RAVER2: variants seen among roughly 807,000 people sequenced by gnomAD.
The protein encoded by RAVER2 is ribonucleoprotein PTB-binding 2.
A neutral mutation model predicts 78.1 loss-of-function variants in RAVER2; 46 were observed. The observed-to-expected ratio is 0.59, with a 90% CI of 0.46 to 0.75. RAVER2 has a LOEUF of 0.75. Ranked by LOEUF, RAVER2 falls within the 30% of genes least tolerant of loss-of-function variation. The probability of loss-of-function intolerance (pLI) is 0.00; values close to 1 mark genes in which losing one functional copy is unlikely to be tolerated. For synonymous variants in RAVER2, 311 were observed against 313.3 expected, an observed-to-expected ratio of 0.99 and a Z score of 0.08; for missense variants, 793 against 837.5, an observed-to-expected ratio of 0.95 and a Z score of 0.66.
chr1:64,823,759 G>A (rs1313826047), intron 11 of RAVER2, among the ~76,000 whole-genome samples: 1 of 150,232 alleles, frequency 6.7e-6, no homozygotes, highest in Non-Finnish European at 1.5e-5. Flanking sequence ...AAAGAAAAAT[G>A]TAAGAGGTTT....
intron 6 of RAVER2, among the ~76,000 whole-genome samples, chr1:64,803,421 AT>A (rs1164186709): frequency 7.9e-5 from 12 of 152,160 alleles, no homozygotes; most frequent in African/African-American, 2.9e-4. Flanking sequence ...CAGTAACTTA[AT>A]TTTTAAAATT....
exon 4 of RAVER2, chr1:64,781,549 C>T: frequency 6.2e-7 from 1 of 1,613,078 alleles, no homozygotes; most frequent in Non-Finnish European, 8.5e-7. Flanking sequence ...ACATTAGCAG[C>T]ATTGATAGCG....
At chr1:64,806,375 C>A (rs1653419168) in intron 8 of RAVER2, among the ~76,000 whole-genome samples, 1 of 152,136 alleles carries the variant, frequency 6.6e-6, no homozygotes, top group East Asian at 1.9e-4. Flanking sequence ...TGTGCCACTG[C>A]ACTCCAGCCT....
intron 11 of RAVER2, among the ~76,000 whole-genome samples, chr1:64,823,064 T>G (rs150785186): frequency 2.5e-4 from 38 of 152,222 alleles, no homozygotes; most frequent in African/African-American, 4.8e-4. Flanking sequence ...AGGATTTTTT[T>G]GGGGAGGGGA....
At chr1:64,821,751 A>G (rs994210050) in intron 11 of RAVER2, among the ~76,000 whole-genome samples, 2 of 152,218 alleles carry the variant, frequency 1.3e-5, no homozygotes, top group Non-Finnish European at 2.9e-5. Context: ...TCCTTACACC[A>G]TATACAAAAA....
intron 11 of RAVER2, chr1:64,816,379 C>CAGAA (rs1432497290): frequency 6.6e-6 from 1 of 152,208 alleles, no homozygotes; most frequent in Non-Finnish European, 1.5e-5. Context: ...ACAGTCCCTG[C>CAGAA]TTCTAGCGCA....
chr1:64,757,760 T>A (rs537209306), intron 1 of RAVER2, among the ~76,000 whole-genome samples: 1 of 152,266 alleles, frequency 6.6e-6, no homozygotes, highest in South Asian at 2.1e-4. Flanking sequence ...AGCTAGAGAA[T>A]ATATAAATGT....
At chr1:64,783,238 A>G (rs1234318014) in intron 4 of RAVER2, among the ~76,000 whole-genome samples, 1 of 152,174 alleles carries the variant, frequency 6.6e-6, no homozygotes, top group East Asian at 1.9e-4. Flanking sequence ...TCCTTTGGGT[A>G]TATATCCAGT....
chr1:64,760,850 G>A (rs1046542123), intron 1 of RAVER2, among the ~76,000 whole-genome samples: 1 of 152,132 alleles, frequency 6.6e-6, no homozygotes, highest in Non-Finnish European at 1.5e-5. Flanking sequence ...AATGTGATGG[G>A]AATGAATATT....
At chr1:64,753,872 A>G (rs982978182) in intron 1 of RAVER2, among the ~76,000 whole-genome samples, 2 of 152,112 alleles carry the variant, frequency 1.3e-5, no homozygotes, top group Non-Finnish European at 2.9e-5. Flanking sequence ...AGTTTTTAGG[A>G]CATGATTCCA....
intron 5 of RAVER2, among the ~76,000 whole-genome samples, chr1:64,802,025 C>T (rs571392324): frequency 6.6e-6 from 1 of 152,340 alleles, no homozygotes; most frequent in South Asian, 2.1e-4. Context: ...GTGGGCAATT[C>T]CCAGAACTGA....
At chr1:64,759,626 C>T (rs184316561) in intron 1 of RAVER2, among the ~76,000 whole-genome samples, 2,553 of 151,976 alleles carry the variant, frequency 0.017, 30 homozygotes, top group Middle Eastern at 0.041. Flanking sequence ...ACGCCATCTT[C>T]CTGCCTCAGC....
chr1:64,765,322 A>G (rs775335787), intron 1 of RAVER2, among the ~76,000 whole-genome samples: 7 of 152,220 alleles, frequency 4.6e-5, no homozygotes, highest in Non-Finnish European at 1.0e-4. Flanking sequence ...AGTTTTTTAA[A>G]AATTCAAACA....
intron 2 of RAVER2, among the ~76,000 whole-genome samples, chr1:64,772,954 C>T (rs963647214): frequency 6.6e-6 from 1 of 152,030 alleles, no homozygotes; most frequent in Non-Finnish European, 1.5e-5. Flanking sequence ...CACAATTAAA[C>T]TTCTGTTTTT....
At chr1:64,817,656 G>T (rs2100893573) in intron 11 of RAVER2, among the ~76,000 whole-genome samples, 1 of 149,766 alleles carries the variant, frequency 6.7e-6, no homozygotes, top group East Asian at 2.0e-4. Context: ...CACAAGGACA[G>T]AAAACCAAAC....
At position 64,745,291 on chromosome 1, in the gene RAVER2, G is replaced by A. The variant is rs1227436496; in HGVS notation, c.119G>A (p.Gly40Asp). Residue 40 changes from glycine to aspartate, a missense_variant, in exon 1 of 12, where the codon GGC becomes GAC. By Grantham distance (94) the Gly-to-Asp change is moderately conservative. Coordinates refer to ENST00000294428, the Ensembl canonical transcript of RAVER2. This position sits in a 1 kb window ranked among gnomAD's most constrained non-coding sequence, Gnocchi z 4.3. ...GGCCCCTCAGCCGAAGCGCACGAGG[G>A]CGCCCCGGACCCGATGCCCGCCGCG... The A allele has an allele frequency of 4.1e-6, 6 of 1,465,688 alleles. No homozygotes were observed. In the African/African-American group the frequency reaches 7.4e-5, roughly 18 times the overall value. 90.8% of individuals were successfully genotyped at this position (1,465,688 alleles called of 1,614,324 possible). A position where few individuals can be genotyped will look rare whatever the true frequency, so the allele number is the denominator to read the frequency against.
chr1:64,825,724 C>T (rs550952518), intron 11 of RAVER2, among the ~76,000 whole-genome samples: 5 of 152,286 alleles, frequency 3.3e-5, no homozygotes, highest in African/African-American at 1.2e-4. Context: ...TAAAAACTGG[C>T]AGTCAACAAA....
intron 1 of RAVER2, among the ~76,000 whole-genome samples, chr1:64,765,872 A>T (rs1232542208): frequency 6.6e-6 from 1 of 152,232 alleles, no homozygotes; most frequent in African/African-American, 2.4e-5. Flanking sequence ...CTATGAAAAC[A>T]TTTCTTAAAA....
intron 11 of RAVER2, among the ~76,000 whole-genome samples, chr1:64,823,573 A>C (rs1653936123): frequency 6.6e-6 from 1 of 152,338 alleles, no homozygotes; most frequent in African/African-American, 2.4e-5. Context: ...GGTTGGGAGA[A>C]GTCTACCTTA....
Sources: allele counts gnomAD v4.1 joint callset (sites outside exome capture counted in the v4.1 genomes callset), GRCh38; gene constraint gnomAD v4.1.1; non-coding constraint Gnocchi (gnomAD v3.1); transcripts MANE v1.5; gene names NCBI Gene and HGNC (gene_info 2026-07-23, HGNC 2026-07-21).